The following RAP1GAP variants were observed in gnomAD, a reference collection of about 807,000 sequenced individuals.
RAP1GAP encodes rap1 GTPase-activating protein 1.
RAP1GAP carries 35 observed loss-of-function variants against 87.2 expected under a neutral mutation model. The ratio of observed to expected loss-of-function variants is 0.40; its 90% CI spans 0.31 to 0.53. The LOEUF (loss-of-function observed/expected upper bound fraction) is 0.53. Among genes scored for constraint, RAP1GAP ranks in the 20% least tolerant of loss-of-function variants. RAP1GAP has a pLI of 0.48. For synonymous variants in RAP1GAP, 375 were observed against 363.9 expected (o/e 1.03, Z -0.35); for missense variants, 734 against 898.9 (o/e 0.82, Z 2.35).
At chr1:21,652,087 CG>C (rs1182407270) in intron 1 of RAP1GAP, among the ~76,000 whole-genome samples, 1 of 151,136 alleles carries the variant, frequency 6.6e-6, no homozygotes, top group African/African-American at 2.4e-5. Flanking sequence ...GCCCGGGGCC[CG>C]GGGCAGCCCC....
intron 1 of RAP1GAP, chr1:21,651,677 G>C: frequency 8.3e-7 from 1 of 1,208,288 alleles, no homozygotes; most frequent in Non-Finnish European, 1.2e-6. Context: ...CATAGCCCAG[G>C]CCCACCCGCC....
Position 21,599,556 on chromosome 1 carries a change from C to T in RAP1GAP, c.1714G>A (p.Ala572Thr). 6.2e-7 allele frequency: 1 copy of T among 1,609,722 alleles called. No homozygotes were observed. Among genetic ancestry groups the T allele is most frequent in the East Asian group, 2.2e-5 (1 of 44,890 alleles). Residue 572 changes from alanine to threonine, a missense_variant, in exon 21 of 25, where the codon GCC becomes ACC. By Grantham distance (58) the Ala-to-Thr change is moderately conservative. Around this residue, in one of 2 missense-constraint regions of RAP1GAP, gnomAD observed 249 missense variants for 252.7 expected, o/e 0.99. Coordinates refer to ENST00000374765, the MANE Select transcript of RAP1GAP (RefSeq NM_002885.4). ...TCCACCACGCTGGCGAAGCTGCTGGCACTGGACGAGGAGCGGGAGAAGTCC... is the reference window on the plus strand; with the variant it reads ...TCCACCACGCTGGCGAAGCTGCTGGTACTGGACGAGGAGCGGGAGAAGTCC... The part of the protein sequence containing the change: ...LKDFSRSSSS[A>T]SSFASVVEET...
At chr1:21,655,889 ATC>A (rs1414649747) in intron 1 of RAP1GAP, among the ~76,000 whole-genome samples, 1 of 152,090 alleles carries the variant, frequency 6.6e-6, no homozygotes, top group African/African-American at 2.4e-5. Context: ...CCCTGGGAAG[ATC>A]TCAGGTCTGG....
Position 21,634,317 on chromosome 1 carries a change from C to A in RAP1GAP, c.-112-7920G>T, listed in dbSNP as rs863802. 0.042 allele frequency among the ~76,000 whole-genome samples: 6,366 copies of A among 152,226 alleles called. 150 individuals carry two copies. Among genetic ancestry groups the A allele is most frequent in the South Asian group, 0.052 (251 of 4,828 alleles). ...GGCACCGTTGACCTCTCCTAGGACTCTAGAGGGAGCGTGGCGATGGGGTAG... is the reference window on the plus strand; with the variant it reads ...GGCACCGTTGACCTCTCCTAGGACTATAGAGGGAGCGTGGCGATGGGGTAG... On this transcript the variant is annotated intron_variant, in intron 2 of 24. Coordinates refer to ENST00000374765, the MANE Select transcript of RAP1GAP (RefSeq NM_002885.4). The surrounding 1 kb of genome is among the most constrained non-coding windows in gnomAD (Gnocchi z 4.1).
Position 21,623,609 on chromosome 1 carries a change from G to A in RAP1GAP, c.-19+2695C>T, listed in dbSNP as rs140247442. On this transcript the variant is annotated intron_variant, in intron 3 of 24. Coordinates refer to ENST00000374765, the MANE Select transcript of RAP1GAP (RefSeq NM_002885.4). ...AGAACTAAGGGCTCCTGGAAGGAAA[G>A]CACTGTGCCCTCCCTTTCCCCCTAG... Among the ~76,000 whole-genome samples, 8 of 152,386 alleles carry A rather than the reference G, an allele frequency of 5.2e-5. No homozygotes were observed. In the East Asian group the frequency reaches 1.5e-3, roughly 29 times the overall value.
chr1:21,627,518 C>T (rs181789260), intron 2 of RAP1GAP, among the ~76,000 whole-genome samples: 1 of 150,804 alleles, frequency 6.6e-6, no homozygotes, highest in East Asian at 1.9e-4. Flanking sequence ...CGAGTTCGAG[C>T]GATTCTCCTG....
chr1:21,656,651 C>T (rs2096880225), intron 1 of RAP1GAP, among the ~76,000 whole-genome samples: 1 of 152,182 alleles, frequency 6.6e-6, no homozygotes, highest in South Asian at 2.1e-4. Flanking sequence ...TGGCTCACAG[C>T]CCTTCCCTAG....
chr1:21,610,363 G>A, intron 13 of RAP1GAP, 88 bp from the exon 14 acceptor site: 1 of 1,371,258 alleles, frequency 7.3e-7, no homozygotes, highest in Non-Finnish European at 1.0e-6. Context: ...GAGGGTTTGG[G>A]GTAGTCAGAG....
At chr1:21,645,758 A>G (rs904357885) in intron 2 of RAP1GAP, among the ~76,000 whole-genome samples, 1 of 152,174 alleles carries the variant, frequency 6.6e-6, no homozygotes, top group Admixed American at 6.5e-5. Flanking sequence ...CCAGATGCAT[A>G]ATAGATGAGG....
intron 1 of RAP1GAP, among the ~76,000 whole-genome samples, chr1:21,653,543 A>ACTTCCTTCCTTCCTTCCTTC (rs71569840): frequency 9.7e-5 from 12 of 124,156 alleles, no homozygotes; most frequent in Non-Finnish European, 1.2e-4. Flanking sequence ...GAAGGGAGGA[A>ACTTCCTTCCTTCCTTCCTTC]CTTCCTTCCT....
intron 1 of RAP1GAP, chr1:21,651,920 GC>G: frequency 2.1e-6 from 2 of 948,178 alleles, no homozygotes; most frequent in Non-Finnish European, 1.3e-6. Flanking sequence ...CCCCGCCCCC[GC>G]CCCAGCTCGG....
intron 22 of RAP1GAP, 86 bp downstream of exon 22, chr1:21,598,314 T>C: frequency 1.6e-6 from 2 of 1,236,282 alleles, no homozygotes; most frequent in South Asian, 1.3e-5. Context: ...ATCCACTGCA[T>C]GGGGCATGGG....
chr1:21,617,514 G>C, intron 6 of RAP1GAP, 23 bp from the exon 7 acceptor site: 2 of 1,576,264 alleles, frequency 1.3e-6, no homozygotes, highest in South Asian at 2.3e-5. Flanking sequence ...TCAGCTGAGA[G>C]CCACCCCACA....
chr1:21,607,551 ACTCTATTT>A (rs11267885), intron 17 of RAP1GAP, among the ~76,000 whole-genome samples: 74,498 of 151,294 alleles, frequency 0.49, 18,399 homozygotes, highest in Non-Finnish European at 0.54. Flanking sequence ...TCTTCTGAGA[ACTCTATTT>A]CTTTCCCTCA....
Position 21,668,418 on chromosome 1 carries a change from G to A in RAP1GAP, c.-149+836C>T, listed in dbSNP as rs1017030733. The A allele has an allele frequency of 1.3e-5, 2 of 152,476 alleles. No individual in the cohort carries two copies. Among genetic ancestry groups the A allele is most frequent in the African/African-American group, 4.8e-5 (2 of 41,564 alleles). The allele number at this position is 152,476 out of a possible 1,614,324, so 9.4% of individuals were successfully genotyped here. On this transcript the variant is annotated intron_variant, in intron 1 of 24. Transcript: ENST00000374765. This position sits in a 1 kb window ranked among gnomAD's most constrained non-coding sequence, Gnocchi z 6.2. ...CCTGAGAACAGTGGATGTTCTTCCT[G>A]ACCCCACCACCGGGCCTGTGCTATG... is the stretch of plus-strand genomic sequence containing the variant.
At chr1:21,664,630 ACTC>A (rs1277592221) in intron 1 of RAP1GAP, among the ~76,000 whole-genome samples, 1 of 152,024 alleles carries the variant, frequency 6.6e-6, no homozygotes, top group African/African-American at 2.4e-5. Flanking sequence ...CCAGGCAAGG[ACTC>A]CTCAAGGAGG....
Position 21,618,986 on chromosome 1 carries a change from AC to A in RAP1GAP, c.66+38del, listed in dbSNP as rs759147080. On this transcript the variant is annotated intron_variant, in intron 5 of 24. Transcript: ENST00000374765. ...TGGCAGCACTTCCCGGACCCCCTCC[AC>A]CCCCTAGAGAGGGAGGCAGACTGCC... 5.4e-5 allele frequency: 84 copies of A among 1,564,828 alleles called. No homozygotes were observed. The African/African-American group carries it at 7.6e-4, about 14-fold the overall frequency.
rs1410925084 is a variant in RAP1GAP at position 21,668,433 on chromosome 1, C to A, written c.-149+821G>T. On this transcript the variant is annotated intron_variant, in intron 1 of 24. Coordinates refer to ENST00000374765, the MANE Select transcript of RAP1GAP (RefSeq NM_002885.4). This position sits in a 1 kb window ranked among gnomAD's most constrained non-coding sequence, Gnocchi z 6.2. ...TGTTCTTCCTGACCCCACCACCGGG[C>A]CTGTGCTATGACCCCAACAAGGACT... 3 of 152,412 alleles carry A rather than the reference C, an allele frequency of 2.0e-5. No individual in the cohort carries two copies. The highest frequency in any genetic ancestry group is 1.9e-4 in the East Asian group (1 of 5,190). 9.4% of individuals were successfully genotyped at this position (152,412 alleles called of 1,614,324 possible).
rs544432270 is a variant in RAP1GAP, at chr1:21,617,915, C to T, written c.105+19G>A. 8.1e-6 allele frequency: 13 copies of T among 1,614,076 alleles called. No individual in the cohort carries two copies. Among genetic ancestry groups the T allele is most frequent in the African/African-American group, 4.0e-5 (3 of 75,028 alleles). On this transcript the variant is annotated intron_variant, in intron 6 of 24. Transcript: ENST00000374765. ...TCCTGGGCTTGAGTAAGGGTGGGCG[C>T]GGGGTTCTAGCTGAGTACCTCGTGC...
Sources: gnomAD v4.1 joint callset for allele counts (sites outside exome capture counted in the v4.1 genomes callset) on GRCh38, gnomAD v4.1.1 for gene constraint, gnomAD v4.1.1 regional missense constraint, Gnocchi (gnomAD v3.1) non-coding constraint, MANE v1.5 for transcripts, NCBI Gene and HGNC (gene_info 2026-07-23, HGNC 2026-07-21) for gene names.